The following SPON1 variants were observed in gnomAD, a reference collection of about 807,000 sequenced individuals.
SPON1 encodes spondin 1, also known as spondin-1.
SPON1 carries 52 observed loss-of-function variants against 111.7 expected under a neutral mutation model. That is an observed-to-expected ratio of 0.47 (90% confidence interval 0.37 to 0.59). SPON1 has a LOEUF of 0.59. Among genes scored for constraint, SPON1 ranks in the 20% least tolerant of loss-of-function variants. The probability of loss-of-function intolerance (pLI) is 0.00; values close to 1 mark genes in which losing one functional copy is unlikely to be tolerated. For synonymous variants in SPON1, 410 were observed against 395.8 expected (o/e 1.04, Z -0.43); for missense variants, 957 against 1,068.5 (o/e 0.90, Z 1.46).
chr11:14,026,041 T>C lies in SPON1; in HGVS notation c.346-15480T>C, dbSNP rs568489967. Among the ~76,000 whole-genome samples, 6 of 152,300 alleles carry C rather than the reference T, an allele frequency of 3.9e-5. No individual in the cohort carries two copies. In the South Asian group the frequency reaches 1.2e-3, roughly 32 times the overall value. The stretch of plus-strand genomic sequence containing the variant: ...TGAAAGAGCTTCCTCCTGTCATCCA[T>C]CTCATGTCCACTGCTTCTCTGCAAG... On this transcript the variant is annotated intron_variant, in intron 2 of 15. Coordinates refer to ENST00000576479, the MANE Select transcript of SPON1 (RefSeq NM_006108.4).
chr11:14,235,836 G>A (rs1226153987), intron 6 of SPON1, among the ~76,000 whole-genome samples: 1 of 152,196 alleles, frequency 6.6e-6, no homozygotes, highest in Non-Finnish European at 1.5e-5. Context: ...TCCTCACTGA[G>A]AAGTTGACAT....
chr11:13,966,521 T>C (rs1317511815), intron 1 of SPON1, among the ~76,000 whole-genome samples: 4 of 152,216 alleles, frequency 2.6e-5, no homozygotes, highest in African/African-American at 9.6e-5. Flanking sequence ...TGGCTTTTCC[T>C]AGATGTATTT....
At chr11:14,220,610 T>A (rs1372960589) in intron 6 of SPON1, among the ~76,000 whole-genome samples, 13 of 152,228 alleles carry the variant, frequency 8.5e-5, no homozygotes, top group African/African-American at 3.1e-4. Flanking sequence ...AAAGCATCTC[T>A]AATATAGCAT....
At chr11:14,006,958 T>C (rs1425167272) in intron 2 of SPON1, among the ~76,000 whole-genome samples, 1 of 152,198 alleles carries the variant, frequency 6.6e-6, no homozygotes, top group East Asian at 1.9e-4. Context: ...TTCATCTCAC[T>C]GGGCCAAAAT....
chr11:14,098,364 A>G (rs1849118154), intron 5 of SPON1, among the ~76,000 whole-genome samples: 2 of 152,208 alleles, frequency 1.3e-5, no homozygotes, highest in Admixed American at 6.5e-5. Flanking sequence ...TTTGTGGAGT[A>G]TTATAATTAC....
chr11:14,003,361 GA>G (rs1313810736), intron 2 of SPON1, among the ~76,000 whole-genome samples: 2 of 152,194 alleles, frequency 1.3e-5, no homozygotes, highest in East Asian at 3.8e-4. Context: ...CGAACAGCGA[GA>G]GAAAAGGGAT....
Position 14,141,027 on chromosome 11 carries a change from C to A in SPON1, c.825+5459C>A, listed in dbSNP as rs528951187. Among the ~76,000 whole-genome samples the A allele has an allele frequency of 2.5e-4, 32 of 126,536 alleles. 1 individual carries two copies. Among genetic ancestry groups the A allele is most frequent in the African/African-American group, 8.0e-4 (29 of 36,232 alleles). The allele number at this position is 126,536 out of a possible 152,430, so 83.0% of individuals were successfully genotyped here. ...ATCCACTGTATGCAGGCGTGCCCCC[C>A]CCATGCCCCACTTCTCACTGGCTCA... On this transcript the variant is annotated intron_variant, in intron 6 of 15. Transcript: ENST00000576479.
intron 7 of SPON1, among the ~76,000 whole-genome samples, chr11:14,247,372 T>A (rs532897856): frequency 2.6e-5 from 4 of 152,222 alleles, no homozygotes; most frequent in Non-Finnish European, 5.9e-5. Flanking sequence ...CACTCCAGTC[T>A]GGGTGACAGA....
intron 6 of SPON1, among the ~76,000 whole-genome samples, chr11:14,199,243 T>C (rs1398808424): frequency 6.6e-6 from 1 of 152,190 alleles, no homozygotes; most frequent in Admixed American, 6.5e-5. Flanking sequence ...TAGCTTTCAA[T>C]GTACTTTTGA....
At chr11:14,060,514 A>C (rs556647910) in intron 3 of SPON1, among the ~76,000 whole-genome samples, 1 of 152,330 alleles carries the variant, frequency 6.6e-6, no homozygotes, top group Admixed American at 6.5e-5. Context: ...CAAAAGGAGT[A>C]CTACCTACCT....
At chr11:14,178,074 A>ACACACACACACACACACG (rs1380780129) in intron 6 of SPON1, among the ~76,000 whole-genome samples, 2 of 150,940 alleles carry the variant, frequency 1.3e-5, no homozygotes, top group East Asian at 3.9e-4. Flanking sequence ...ACACACACAC[A>ACACACACACACACACACG]CGCTTTGGTC....
At chr11:14,263,814 A>G (rs980990554) in intron 15 of SPON1, among the ~76,000 whole-genome samples, 15 of 152,090 alleles carry the variant, frequency 9.9e-5, no homozygotes, top group African/African-American at 3.6e-4. Flanking sequence ...CAATCACTTG[A>G]GGTCAGGAGT....
rs141809322 is a variant in SPON1, at chr11:14,262,931, G to A, written c.2216G>A (p.Arg739Gln). Residue 739 changes from arginine (R) to glutamine (Q), a missense_variant, in exon 15 of 16, where the codon CGG becomes CAG. Transcript: ENST00000576479. ...LRWREARESR[R>Q]SEQLKEESEG... ...TGGAGGGAGGCCCGAGAGAGCCGGC[G>A]GAGTGAGCAGCTGAAGGAAGAGTCT... The A allele has an allele frequency of 1.2e-3, 1,954 of 1,613,712 alleles. 31 individuals carry two copies. The East Asian group carries it at 0.031, about 26-fold the overall frequency.
chr11:14,087,166 T>C (rs2133836000), intron 5 of SPON1, among the ~76,000 whole-genome samples: 1 of 152,306 alleles, frequency 6.6e-6, no homozygotes, highest in Admixed American at 6.5e-5. Context: ...CTGATGTTAG[T>C]TATTTCTTGT....
At chr11:14,100,059 A>G (rs1040314234) in intron 5 of SPON1, among the ~76,000 whole-genome samples, 8 of 152,116 alleles carry the variant, frequency 5.3e-5, no homozygotes, top group Admixed American at 5.2e-4. Flanking sequence ...ACATTTCAAT[A>G]TGAGATTTGG....
intron 3 of SPON1, among the ~76,000 whole-genome samples, chr11:14,062,462 A>G (rs1469524901): frequency 6.6e-6 from 1 of 152,214 alleles, no homozygotes; most frequent in Non-Finnish European, 1.5e-5. Flanking sequence ...GACAACCAGT[A>G]CAATAGCATC....
intron 6 of SPON1, among the ~76,000 whole-genome samples, chr11:14,180,453 C>T (rs992853972): frequency 6.6e-6 from 1 of 152,186 alleles, no homozygotes; most frequent in African/African-American, 2.4e-5. Context: ...TTGTCTTTGC[C>T]CTTGCAGTTC....
At chr11:14,075,286 C>A in intron 3 of SPON1, 59 bp from the exon 4 acceptor site, 2 of 1,345,436 alleles carry the variant, frequency 1.5e-6, no homozygotes, top group Non-Finnish European at 2.1e-6. Flanking sequence ...TCTGACTGAT[C>A]TCCCAAACCT....
intron 6 of SPON1, among the ~76,000 whole-genome samples, chr11:14,206,561 T>G (rs1001055321): frequency 6.6e-6 from 1 of 152,238 alleles, no homozygotes; most frequent in African/African-American, 2.4e-5. Flanking sequence ...AAGTAATAAT[T>G]GTGTTGAAAA....
Sources: gnomAD v4.1 joint callset for allele counts (sites outside exome capture counted in the v4.1 genomes callset) on GRCh38, gnomAD v4.1.1 for gene constraint, MANE v1.5 for transcripts, NCBI Gene and HGNC (gene_info 2026-07-23, HGNC 2026-07-21) for gene names.